Variants in GRM1 observed in about 807,000 individuals in gnomAD.
GRM1 encodes the protein glutamate metabotropic receptor 1.
Under a neutral mutation model 90.9 loss-of-function variants are expected in GRM1, and 33 were observed. The ratio of observed to expected loss-of-function variants is 0.36; its 90% CI spans 0.28 to 0.49. The LOEUF is 0.49. Among genes scored for constraint, GRM1 ranks in the 20% least tolerant of loss-of-function variants. GRM1 has a pLI of 0.99. For missense variants in GRM1, 1,190 were observed against 1,534.3 expected (o/e 0.78, Z 3.75); for synonymous variants, 700 against 613.2 (o/e 1.14, Z -2.09).
chr6:146,069,773 A>G (rs1005686069), intron 1 of GRM1, among the ~76,000 whole-genome samples: 4 of 152,164 alleles, frequency 2.6e-5, no homozygotes, highest in Admixed American at 6.5e-5. Context: ...CCTTTTTTGT[A>G]CTACCACCAC....
chr6:146,326,748 A>T (rs762715461), intron 3 of GRM1, among the ~76,000 whole-genome samples: 1 of 152,202 alleles, frequency 6.6e-6, no homozygotes, highest in African/African-American at 2.4e-5. Context: ...AAGACTATTT[A>T]TTTAACCAAA....
chr6:146,314,051 CTTTTTTTTTTTTT>C (rs552986343), intron 3 of GRM1, among the ~76,000 whole-genome samples: 52 of 61,998 alleles, frequency 8.4e-4, no homozygotes, highest in Admixed American at 2.8e-3. Flanking sequence ...TAGTTAATTC[CTTTTTTTTTTTTT>C]TTTTTTTTTT....
At chr6:146,173,295 C>G (rs1191452875) in intron 2 of GRM1, among the ~76,000 whole-genome samples, 1 of 150,754 alleles carries the variant, frequency 6.6e-6, no homozygotes, top group East Asian at 2.0e-4. Context: ...GAGGCTGAGG[C>G]AGGAGAATCA....
chr6:146,082,482 T>C (rs6908063), intron 1 of GRM1, among the ~76,000 whole-genome samples: 61,582 of 151,994 alleles, frequency 0.41, 12,793 homozygotes, highest in Middle Eastern at 0.54. Flanking sequence ...TAAACATTTA[T>C]CTTCTTTCCT....
chr6:146,081,680 G>A (rs1396163836), intron 1 of GRM1, among the ~76,000 whole-genome samples: 1 of 152,104 alleles, frequency 6.6e-6, no homozygotes, highest in Non-Finnish European at 1.5e-5. Context: ...TAAATTTAAT[G>A]CCTTTCTTTA....
intron 2 of GRM1, among the ~76,000 whole-genome samples, chr6:146,236,334 A>C (rs1780644233): frequency 6.6e-6 from 1 of 152,170 alleles, no homozygotes; most frequent in Non-Finnish European, 1.5e-5. Context: ...CTGTTTTAGA[A>C]TGGAGGTTCG....
At chr6:146,275,753 C>T (rs1040310298) in intron 2 of GRM1, among the ~76,000 whole-genome samples, 5 of 152,218 alleles carry the variant, frequency 3.3e-5, no homozygotes, top group Middle Eastern at 3.4e-3. Flanking sequence ...ACACTGTTCT[C>T]GCCATCTAAT....
chr6:146,346,097 C>A (rs184326202), intron 3 of GRM1, among the ~76,000 whole-genome samples: 4 of 152,286 alleles, frequency 2.6e-5, no homozygotes, highest in African/African-American at 9.6e-5. Context: ...CTTGTGATTG[C>A]CCTTATTTGT....
At chr6:146,103,614 A>C (rs946957656) in intron 1 of GRM1, among the ~76,000 whole-genome samples, 5 of 152,174 alleles carry the variant, frequency 3.3e-5, no homozygotes, top group African/African-American at 1.2e-4. Context: ...AAGAGAACCT[A>C]ACTTGCAACT....
At chr6:146,179,466 T>C (rs1778459800) in intron 2 of GRM1, among the ~76,000 whole-genome samples, 1 of 152,192 alleles carries the variant, frequency 6.6e-6, no homozygotes, top group Non-Finnish European at 1.5e-5. Flanking sequence ...GTTGTTTAGA[T>C]TGTAGAGTCA....
At chr6:146,148,108 T>G (rs1226859271) in intron 1 of GRM1, among the ~76,000 whole-genome samples, 3 of 152,176 alleles carry the variant, frequency 2.0e-5, no homozygotes, top group Non-Finnish European at 4.4e-5. Flanking sequence ...GAAGAAAAAT[T>G]GTTATGTGGG....
chr6:146,401,563 G>T (rs1258904867), intron 7 of GRM1, among the ~76,000 whole-genome samples: 1 of 152,152 alleles, frequency 6.6e-6, no homozygotes, highest in Non-Finnish European at 1.5e-5. Context: ...AGGATTAAAA[G>T]ATTCACTTTA....
chr6:146,407,148 G>A (rs976246175), intron 7 of GRM1, among the ~76,000 whole-genome samples: 8 of 152,162 alleles, frequency 5.3e-5, no homozygotes, highest in South Asian at 2.1e-4. Context: ...TAGAACGAAC[G>A]TAGCTTAGTA....
At chr6:146,194,433 T>C (rs1779047715) in intron 2 of GRM1, among the ~76,000 whole-genome samples, 1 of 152,210 alleles carries the variant, frequency 6.6e-6, no homozygotes, top group Non-Finnish European at 1.5e-5. Flanking sequence ...TTCCTTAACT[T>C]TCTCGACTTC....
intron 1 of GRM1, among the ~76,000 whole-genome samples, chr6:146,043,811 A>ATAT (rs1554260501): frequency 2.7e-5 from 4 of 145,582 alleles, no homozygotes; most frequent in African/African-American, 7.5e-5. Flanking sequence ...ATATATATAT[A>ATAT]AAGGGAAGTG....
chr6:146,029,412 C>T lies in GRM1; in HGVS notation c.-106C>T, dbSNP rs1790627549. On this transcript the variant is annotated 5_prime_UTR_variant, in exon 1 of 8. Transcript: ENST00000282753. ...CGACCATTGTTGGCGAGGGGCACCA[C>T]TCCGGGAGAGGCGGCGCTGGGCGTC... 1 of 900,626 alleles carries T rather than the reference C, an allele frequency of 1.1e-6. No individual in the cohort carries two copies. Among genetic ancestry groups the T allele is most frequent in the Non-Finnish European group, 1.9e-6 (1 of 534,374 alleles). The allele number at this position is 900,626 out of a possible 1,614,324, so 55.8% of individuals were successfully genotyped here. A position where few individuals can be genotyped will look rare whatever the true frequency, so the allele number is the denominator to read the frequency against.
chr6:146,252,415 A>G (rs1384131320), intron 2 of GRM1, among the ~76,000 whole-genome samples: 3 of 152,066 alleles, frequency 2.0e-5, no homozygotes, highest in Admixed American at 1.3e-4. Flanking sequence ...AGGCGGGTGG[A>G]TCAATTAAGG....
rs182005032 is a variant in GRM1, at chr6:146,203,245, C to G, written c.950+43648C>G. The stretch of plus-strand genomic sequence containing the variant: ...TAAATAAATAAATAAATAAATAAAT[C>G]CCTGAATGTTAGTGGTTTAATGCAG... On this transcript the variant is annotated intron_variant, in intron 2 of 7. Transcript: ENST00000282753. Among the ~76,000 whole-genome samples, 40 of 144,988 alleles carry G rather than the reference C, an allele frequency of 2.8e-4. 1 individual carries two copies. The highest frequency in any genetic ancestry group is 2.8e-4 in the Non-Finnish European group (18 of 65,232).
chr6:146,232,097 G>C (rs1780469458), intron 2 of GRM1, among the ~76,000 whole-genome samples: 1 of 152,088 alleles, frequency 6.6e-6, no homozygotes, highest in East Asian at 1.9e-4. Context: ...TTTAAATAGA[G>C]ATTAGACAAT....
Sources: gnomAD v4.1 joint callset for allele counts (sites outside exome capture counted in the v4.1 genomes callset) on GRCh38, gnomAD v4.1.1 for gene constraint, MANE v1.5 for transcripts, NCBI Gene and HGNC (gene_info 2026-07-23, HGNC 2026-07-21) for gene names.